The following FAHD1 variants were observed in gnomAD, a reference collection of about 807,000 sequenced individuals.
FAHD1 encodes the protein oxaloacetate tautomerase FAHD1, mitochondrial.
In FAHD1, 14 loss-of-function variants were observed where a neutral mutation model predicts 12.7. The ratio of observed to expected loss-of-function variants is 1.10; its 90% CI spans 0.73 to 1.72. The LOEUF is 1.72. FAHD1 is among the 40% of genes most tolerant of loss of function. FAHD1 has a pLI of 0.00. For synonymous variants in FAHD1, 153 were observed against 124.9 expected, an observed-to-expected ratio of 1.22 and a Z score of -1.50; for missense variants, 351 against 298.9, an observed-to-expected ratio of 1.17 and a Z score of -1.29.
At chr16:1,834,291 C>A in intron 1 of FAHD1, 1 of 1,612,358 alleles carries the variant, frequency 6.2e-7, no homozygotes, top group Non-Finnish European at 8.5e-7. Flanking sequence ...TTTCTGCTTG[C>A]CTCAGTAGGA....
At chr16:1,834,695 G>T (rs989867131) in intron 1 of FAHD1, among the ~76,000 whole-genome samples, 1 of 152,214 alleles carries the variant, frequency 6.6e-6, no homozygotes, top group Admixed American at 6.5e-5. Context: ...CACTTTGGGA[G>T]GCCAAGGCGG....
exon 1 of FAHD1, chr16:1,827,223 G>C: frequency 6.3e-7 from 1 of 1,595,020 alleles, no homozygotes; most frequent in Non-Finnish European, 8.6e-7. Flanking sequence ...GACTACAGGG[G>C]CACTTGATGG....
At chr16:1,837,756 A>G (rs1475254866) in intron 1 of FAHD1, 1 of 1,117,264 alleles carries the variant, frequency 9.0e-7, no homozygotes, top group Non-Finnish European at 1.3e-6. Flanking sequence ...AATATATAGA[A>G]TAATATGGGA....
chr16:1,836,952 AGAGTT>A (rs1213459117), intron 1 of FAHD1, among the ~76,000 whole-genome samples: 2 of 152,208 alleles, frequency 1.3e-5, no homozygotes, highest in Non-Finnish European at 2.9e-5. Context: ...ACAAGAGAAA[AGAGTT>A]GAGAACCATG....
chr16:1,830,761 T>C (rs141314137), downstream of FAHD1, among the ~76,000 whole-genome samples: 154 of 152,312 alleles, frequency 1.0e-3, no homozygotes, highest in African/African-American at 3.7e-3. Context: ...TTTAAACCTA[T>C]GAAAAAGTTT....
chr16:1,830,503 G>A (rs1898600311), downstream of FAHD1, among the ~76,000 whole-genome samples: 1 of 152,168 alleles, frequency 6.6e-6, no homozygotes, highest in African/African-American at 2.4e-5. Flanking sequence ...TAGAAGCAGT[G>A]CTCACATGCA....
chr16:1,838,228 G>A (rs2142075229), intron 2 of FAHD1: 1 of 420,914 alleles, frequency 2.4e-6, no homozygotes, highest in East Asian at 3.4e-5. Flanking sequence ...TTGAACTCCT[G>A]GCCTCAAGTG....
rs980804071 is a variant in FAHD1 at position 1,828,250 on chromosome 16, C to G, written c.*346C>G. 4 of 945,938 alleles carry G rather than the reference C, an allele frequency of 4.2e-6. No individual in the cohort carries two copies. The African/African-American group carries it at 8.0e-5, about 19-fold the overall frequency. The allele number at this position is 945,938 out of a possible 1,614,324, so 58.6% of individuals were successfully genotyped here. On this transcript the variant is annotated 3_prime_UTR_variant, in exon 1 of 1. Transcript: ENST00000427358. ...GAGCTGAGATTGCGCCACTGTACTC[C>G]TGGGCAACAGCGAGACTCCGTCTCA...
In FAHD1 at chr16:1,834,022, T is replaced by C. The variant is rs142181896; in HGVS notation, c.628-3994T>C. 1.1e-4 allele frequency: 44 copies of C among 390,440 alleles called. No homozygotes were observed. In the East Asian group the frequency reaches 1.6e-3, roughly 14 times the overall value. 24.2% of individuals were successfully genotyped at this position (390,440 alleles called of 1,614,324 possible). Reference sequence around the variant, plus strand: ...ATCTGTTTATTAATTCATGTAAACATTTTCCAACTTGGGAGGAGACAAGGC... The same window carrying C: ...ATCTGTTTATTAATTCATGTAAACACTTTCCAACTTGGGAGGAGACAAGGC... On this transcript the variant is annotated intron_variant, in intron 1 of 2. Transcript: ENST00000382666.
At chr16:1,832,917 T>C (rs570317983), downstream of FAHD1, among the ~76,000 whole-genome samples, 3 of 152,324 alleles carry the variant, frequency 2.0e-5, no homozygotes, top group East Asian at 5.8e-4. Context: ...GGGGTGAACC[T>C]GCATCCCTCC....
exon 1 of FAHD1, chr16:1,827,893 C>T: frequency 6.2e-7 from 1 of 1,612,708 alleles, no homozygotes; most frequent in Non-Finnish European, 8.5e-7. Flanking sequence ...AGTGGAAAAG[C>T]CAGAATATTG....
chr16:1,832,175 A>ATTTTTTT (rs1567269584), downstream of FAHD1, among the ~76,000 whole-genome samples: 7 of 8,468 alleles, frequency 8.3e-4, no homozygotes, highest in Non-Finnish European at 1.1e-3. Context: ...GGCTATGGTC[A>ATTTTTTT]TTCTTTTTTT....
exon 3 of FAHD1, chr16:1,839,275 C>G: frequency 2.5e-6 from 4 of 1,611,848 alleles, no homozygotes; most frequent in Non-Finnish European, 3.4e-6. Context: ...AAAGTCTCCT[C>G]AGCAACACTT....
downstream of FAHD1, among the ~76,000 whole-genome samples, chr16:1,833,229 C>G (rs913754256): frequency 6.6e-6 from 1 of 152,172 alleles, no homozygotes; most frequent in African/African-American, 2.4e-5. Context: ...TGGCAGCTGT[C>G]GTCCTCATGT....
exon 1 of FAHD1, chr16:1,827,458 G>A (rs1193172339): frequency 6.2e-7 from 1 of 1,610,972 alleles, no homozygotes; most frequent in South Asian, 1.1e-5. Flanking sequence ...GCTGGGCGTG[G>A]TGATGGGCAA....
exon 1 of FAHD1, chr16:1,827,336 G>A (rs1898494461): frequency 1.2e-6 from 2 of 1,613,174 alleles, no homozygotes; most frequent in Non-Finnish European, 1.7e-6. Context: ...GAGATGCGCA[G>A]CGCGGTGTTG....
chr16:1,828,755 T>TG (rs1898565857), exon 1 of FAHD1: 1 of 985,976 alleles, frequency 1.0e-6, no homozygotes, highest in Admixed American at 6.2e-5. Context: ...AAAACACTCC[T>TG]GTACATAATC....
downstream of FAHD1, among the ~76,000 whole-genome samples, chr16:1,829,115 T>TG (rs1898576750): frequency 6.6e-6 from 1 of 152,180 alleles, no homozygotes. Flanking sequence ...CTTTTGCTCT[T>TG]GCCTGCACCC....
rs374720354 is a variant in FAHD1 at position 1,827,783 on chromosome 16, G to T, written c.545G>T (p.Gly182Val). ...TCTAAGATCATAACCTTGGAAGAAG[G>T]AGATATTATCTTGACTGGGACGCCA... Residue 182 changes from glycine to valine, a missense_variant, in exon 1 of 1, where the codon GGA (glycine) becomes GTA (valine). Physicochemically the swap from Gly to Val is moderately radical, Grantham distance 109 (BLOSUM62 -3). Coordinates refer to ENST00000427358, the Ensembl canonical transcript of FAHD1. The T allele has an allele frequency of 1.2e-5, 20 of 1,614,030 alleles. No homozygotes were observed. In the African/African-American group the frequency reaches 2.4e-4, roughly 19 times the overall value.
Sources: gnomAD v4.1 joint callset for allele counts (sites outside exome capture counted in the v4.1 genomes callset) on GRCh38, gnomAD v4.1.1 for gene constraint, MANE v1.5 for transcripts, NCBI Gene and HGNC (gene_info 2026-07-23, HGNC 2026-07-21) for gene names.